The following COL4A3 variants were observed in gnomAD, a reference collection of about 807,000 sequenced individuals.
The protein encoded by COL4A3 is collagen type IV alpha 3 chain.
In COL4A3, 135 loss-of-function variants were observed where a neutral mutation model predicts 217.4. The ratio of observed to expected loss-of-function variants is 0.62; its 90% CI spans 0.54 to 0.72. COL4A3 has a LOEUF of 0.72. Among genes scored for constraint, COL4A3 ranks in the 30% least tolerant of loss-of-function variants. The pLI is 0.00. For synonymous variants in COL4A3, 690 were observed against 736.3 expected (o/e 0.94, Z 1.02); for missense variants, 1,868 against 2,119.9 (o/e 0.88, Z 2.33).
chr2:227,252,282 C>T (rs1167520222), intron 11 of COL4A3, among the ~76,000 whole-genome samples: 1 of 137,336 alleles, frequency 7.3e-6, no homozygotes, highest in Admixed American at 7.7e-5. Context: ...GGTGCGATCT[C>T]GGCTCACTGC....
At chr2:227,185,039 C>G (rs533882062) in intron 1 of COL4A3, among the ~76,000 whole-genome samples, 1 of 151,800 alleles carries the variant, frequency 6.6e-6, no homozygotes, top group East Asian at 1.9e-4. Context: ...ATAGCTGGGA[C>G]TACAGGCGCC....
chr2:227,184,243 T>C (rs1436186604), intron 1 of COL4A3, among the ~76,000 whole-genome samples: 2 of 152,204 alleles, frequency 1.3e-5, no homozygotes, highest in Non-Finnish European at 2.9e-5. Context: ...GGGTGAACCC[T>C]GGCTAGGAAA....
At chr2:227,281,093 G>C (rs902047813) in intron 31 of COL4A3, 87 bp downstream of exon 31, 19 of 843,064 alleles carry the variant, frequency 2.3e-5, no homozygotes, top group Non-Finnish European at 3.8e-5. Flanking sequence ...CATGGGAACT[G>C]TCCAGCCACA....
chr2:227,251,021 A>T (rs1432454295), intron 9 of COL4A3, 119 bp from the exon 10 acceptor site: 1 of 798,902 alleles, frequency 1.3e-6, no homozygotes, highest in African/African-American at 1.7e-5. Flanking sequence ...AGCCACTGAA[A>T]GGGGAGGTGT....
At chr2:227,264,449 C>A (rs1215641328) in intron 21 of COL4A3, among the ~76,000 whole-genome samples, 2 of 152,120 alleles carry the variant, frequency 1.3e-5, no homozygotes, top group Non-Finnish European at 2.9e-5. Flanking sequence ...GGACAGTAGG[C>A]CAGAGGTGTG....
Position 227,293,187 on chromosome 2 carries a change from T to C in COL4A3, c.3211-4T>C. Reference sequence around the variant, plus strand: ...AATTTTAAAGGTATTTGACTACATTTAAGGGGGATCCAGGACTGCCGGGTG... The same window carrying C: ...AATTTTAAAGGTATTTGACTACATTCAAGGGGGATCCAGGACTGCCGGGTG... On this transcript the variant is annotated splice_polypyrimidine_tract_variant and splice_region_variant and intron_variant, in intron 37 of 51. Coordinates refer to ENST00000396578, the MANE Select transcript of COL4A3 (RefSeq NM_000091.5). The C allele has an allele frequency of 6.2e-7, 1 of 1,613,932 alleles. No homozygotes were observed.
chr2:227,226,479 T>G (rs1256666155), intron 1 of COL4A3, among the ~76,000 whole-genome samples: 1 of 151,682 alleles, frequency 6.6e-6, no homozygotes, highest in Non-Finnish European at 1.5e-5. Flanking sequence ...AGGTTTGTTT[T>G]TTTTTTTTTA....
intron 1 of COL4A3, among the ~76,000 whole-genome samples, chr2:227,182,474 T>C (rs2125675960): frequency 6.6e-6 from 1 of 152,346 alleles, no homozygotes; most frequent in South Asian, 2.1e-4. Flanking sequence ...CCTGATTCTC[T>C]CATTCATTTT....
rs558007668 is a variant in COL4A3, at chr2:227,194,795, G to A, written c.87+29982G>A. On this transcript the variant is annotated intron_variant, in intron 1 of 51. Coordinates refer to ENST00000396578, the MANE Select transcript of COL4A3 (RefSeq NM_000091.5). ...GTGGCTAAATGTTTGGAAAATACTT[G>A]AAAATAGAAAAATACTAGCTCTTCT... Among the ~76,000 whole-genome samples, 8 of 152,140 alleles carry A rather than the reference G, an allele frequency of 5.3e-5. No homozygotes were observed. The South Asian group carries it at 1.7e-3, about 32-fold the overall frequency.
At chr2:227,204,913 G>A (rs987396804) in intron 1 of COL4A3, among the ~76,000 whole-genome samples, 1 of 152,156 alleles carries the variant, frequency 6.6e-6, no homozygotes, top group Non-Finnish European at 1.5e-5. Context: ...GGTCATATGC[G>A]TGGGCACATA....
At chr2:227,273,832 A>G (rs1016400650) in intron 26 of COL4A3, among the ~76,000 whole-genome samples, 3 of 152,228 alleles carry the variant, frequency 2.0e-5, no homozygotes, top group African/African-American at 4.8e-5. Context: ...AACTTTTGGG[A>G]TATACATATA....
At chr2:227,181,086 G>A (rs2125672279) in intron 1 of COL4A3, among the ~76,000 whole-genome samples, 1 of 152,220 alleles carries the variant, frequency 6.6e-6, no homozygotes, top group South Asian at 2.1e-4. Context: ...CATCACTTTT[G>A]TGATGACTTT....
At chr2:227,302,665 A>G (rs907701988) in intron 43 of COL4A3, among the ~76,000 whole-genome samples, 1 of 133,810 alleles carries the variant, frequency 7.5e-6, no homozygotes, top group Non-Finnish European at 1.6e-5. Flanking sequence ...GGACAAAACG[A>G]GACTCTTTCT....
chr2:227,179,850 T>C (rs1368316226), intron 1 of COL4A3, among the ~76,000 whole-genome samples: 1 of 152,080 alleles, frequency 6.6e-6, no homozygotes, highest in African/African-American at 2.4e-5. Context: ...ACGAGGTAAA[T>C]ATGGAAAAGC....
At chr2:227,269,835 T>G in intron 23 of COL4A3, 75 bp from the exon 24 acceptor site, 1 of 1,238,200 alleles carries the variant, frequency 8.1e-7, no homozygotes, top group Non-Finnish European at 1.2e-6. Flanking sequence ...TCTATTTTCT[T>G]CATACATTGT....
At chr2:227,166,851 T>C (rs1417530672) in intron 1 of COL4A3, among the ~76,000 whole-genome samples, 1 of 152,230 alleles carries the variant, frequency 6.6e-6, no homozygotes, top group Non-Finnish European at 1.5e-5. Context: ...AGAGAAACTC[T>C]GCTGTTGGGC....
intron 43 of COL4A3, among the ~76,000 whole-genome samples, chr2:227,299,261 G>C (rs1483455346): frequency 2.0e-5 from 3 of 152,230 alleles, no homozygotes. Flanking sequence ...TGGGCGTGGA[G>C]GCAGGCGCCT....
intron 18 of COL4A3, among the ~76,000 whole-genome samples, chr2:227,258,166 AGGG>A (rs1450776118): frequency 6.6e-6 from 1 of 152,228 alleles, no homozygotes; most frequent in Admixed American, 6.5e-5. Context: ...AAAAGGAGAA[AGGG>A]GACCCGGACT....
chr2:227,246,884 G>T lies in COL4A3; in HGVS notation c.441+146G>T, dbSNP rs10168566. On this transcript the variant is annotated intron_variant, in intron 7 of 51. Transcript: ENST00000396578. ...GACATTCAACTAATAGTTAGGGAAT[G>T]GATGAATACATGCATTATGAGTGTA... 0.82 allele frequency: 638,894 copies of T among 782,388 alleles called. 263,540 individuals are homozygous for T. Among genetic ancestry groups the T allele is most frequent in the East Asian group, 0.89 (35,960 of 40,436 alleles). The allele number at this position is 782,388 out of a possible 1,614,324, so 48.5% of individuals were successfully genotyped here.
Sources: gnomAD v4.1 joint callset for allele counts (sites outside exome capture counted in the v4.1 genomes callset) on GRCh38, gnomAD v4.1.1 for gene constraint, MANE v1.5 for transcripts, NCBI Gene and HGNC (gene_info 2026-07-23, HGNC 2026-07-21) for gene names.